LCORL: variants seen among roughly 807,000 people sequenced by gnomAD.
The protein encoded by LCORL is ligand dependent nuclear receptor corepressor like.
Under a neutral mutation model 141.8 loss-of-function variants are expected in LCORL, and 41 were observed. The ratio of observed to expected loss-of-function variants is 0.29; its 90% CI spans 0.23 to 0.38. The LOEUF is 0.38. Among genes scored for constraint, LCORL ranks in the 10% least tolerant of loss-of-function variants. The probability of loss-of-function intolerance (pLI) is 1.00; values close to 1 mark genes in which losing one functional copy is unlikely to be tolerated. For missense variants in LCORL, 1,759 were observed against 2,035.0 expected (o/e 0.86, Z 2.61); for synonymous variants, 618 against 694.1 (o/e 0.89, Z 1.72).
intron 7 of LCORL, among the ~76,000 whole-genome samples, chr4:17,855,921 T>C (rs904630038): frequency 6.6e-6 from 1 of 152,238 alleles, no homozygotes; most frequent in African/African-American, 2.4e-5. Context: ...CTCTTCTCAA[T>C]TGGATCCTCA....
intron 1 of LCORL, among the ~76,000 whole-genome samples, chr4:18,013,695 G>A (rs944852278): frequency 2.0e-5 from 3 of 152,118 alleles, no homozygotes; most frequent in East Asian, 1.9e-4. Flanking sequence ...ACAAAATTAC[G>A]TCCTATGTGC....
chr4:17,851,189 T>A lies in LCORL; in HGVS notation c.5603-5288A>T, dbSNP rs1445634144. Among the ~76,000 whole-genome samples the A allele has an allele frequency of 6.0e-5, 9 of 149,634 alleles. 2 individuals carry two copies. On this transcript the variant is annotated intron_variant, in intron 7 of 7. Transcript: ENST00000635767. Reference sequence around the variant, plus strand: ...ATATACCTAATGCTAAATGACGAGTTAATGGGTGCAGCACACCAGCATGGC... The same window carrying A: ...ATATACCTAATGCTAAATGACGAGTAAATGGGTGCAGCACACCAGCATGGC...
At chr4:17,921,648 T>C (rs1672849841) in intron 4 of LCORL, among the ~76,000 whole-genome samples, 1 of 152,124 alleles carries the variant, frequency 6.6e-6, no homozygotes, top group Non-Finnish European at 1.5e-5. Flanking sequence ...GTCTCAACAA[T>C]GGATGTGATG....
rs564754895 is a variant in LCORL at position 17,930,976 on chromosome 4, C to A, written c.431-21631G>T. Among the ~76,000 whole-genome samples, 805 of 152,240 alleles carry A rather than the reference C, an allele frequency of 5.3e-3. 11 individuals are homozygous for A. The highest frequency in any genetic ancestry group is 0.018 in the African/African-American group (765 of 41,562). On this transcript the variant is annotated intron_variant, in intron 4 of 7. Coordinates refer to ENST00000635767, the Ensembl canonical transcript of LCORL. ...TTCTGAGCTTGGTGCTTTTACTGAG[C>A]TTTCTTGATACCTTTTGCTATTTCT...
At chr4:17,915,461 T>C (rs1012323230) in intron 4 of LCORL, among the ~76,000 whole-genome samples, 3 of 152,180 alleles carry the variant, frequency 2.0e-5, no homozygotes, top group Admixed American at 2.0e-4. Flanking sequence ...GAGTCATAAA[T>C]AATATAGATT....
intron 1 of LCORL, among the ~76,000 whole-genome samples, chr4:18,000,854 T>G (rs1721835423): frequency 6.6e-6 from 1 of 152,220 alleles, no homozygotes; most frequent in South Asian, 2.1e-4. Flanking sequence ...TATGTTCATT[T>G]TGTTCACTGA....
chr4:18,011,513 C>T (rs998771843), intron 1 of LCORL, among the ~76,000 whole-genome samples: 2 of 151,620 alleles, frequency 1.3e-5, no homozygotes, highest in African/African-American at 4.8e-5. Context: ...CTACTTTCTG[C>T]TGCTAACCTA....
In LCORL at chr4:17,884,074, A is replaced by C; in HGVS notation, c.776+1994T>G. On this transcript the variant is annotated intron_variant, in intron 6 of 7. Coordinates refer to ENST00000635767, the Ensembl canonical transcript of LCORL. This position sits in a 1 kb window ranked among gnomAD's most constrained non-coding sequence, Gnocchi z 4.4. ...CATTTTTAGAATTAAGACACAAAGGAGAGAGGTCCCCATGTAGAAAGTAAG... is the reference window on the plus strand; with the variant it reads ...CATTTTTAGAATTAAGACACAAAGGCGAGAGGTCCCCATGTAGAAAGTAAG... The C allele has an allele frequency of 6.4e-7, 1 of 1,550,734 alleles. No homozygotes were observed. The highest frequency in any genetic ancestry group is 8.7e-7 in the Non-Finnish European group (1 of 1,146,340).
intron 4 of LCORL, among the ~76,000 whole-genome samples, chr4:17,955,615 GGA>G (rs931211653): frequency 6.6e-5 from 10 of 152,036 alleles, no homozygotes; most frequent in Admixed American, 2.6e-4. Context: ...GGAGGTTTGA[GGA>G]GAGAGAGAAA....
At chr4:17,958,013 A>G (rs1373002697) in intron 4 of LCORL, among the ~76,000 whole-genome samples, 1 of 152,040 alleles carries the variant, frequency 6.6e-6, no homozygotes, top group Non-Finnish European at 1.5e-5. Flanking sequence ...ATCATCAGTC[A>G]TAACCCAACT....
intron 4 of LCORL, among the ~76,000 whole-genome samples, chr4:17,930,720 A>T (rs1298864309): frequency 6.6e-6 from 1 of 152,140 alleles, no homozygotes; most frequent in Non-Finnish European, 1.5e-5. Context: ...CATACGTGAG[A>T]TTGTTCTGTA....
At chr4:17,969,121 G>T (rs1475288047) in intron 2 of LCORL, among the ~76,000 whole-genome samples, 1 of 152,194 alleles carries the variant, frequency 6.6e-6, no homozygotes, top group Non-Finnish European at 1.5e-5. Flanking sequence ...GGTAGGAAAT[G>T]AGTAGTTTTT....
chr4:17,929,111 G>A (rs371095427), intron 4 of LCORL, among the ~76,000 whole-genome samples: 21 of 152,050 alleles, frequency 1.4e-4, no homozygotes, highest in Admixed American at 2.0e-4. Flanking sequence ...GTTGTACACC[G>A]AAAACTGGAA....
exon 7 of LCORL, chr4:17,876,371 G>C (rs75609183): frequency 4.1e-6 from 5 of 1,230,768 alleles, no homozygotes; most frequent in Non-Finnish European, 5.1e-6. Context: ...CAGCATGTTG[G>C]TCTTTACCAT....
chr4:17,879,138 A>C (rs1294578499), intron 6 of LCORL, among the ~76,000 whole-genome samples: 1 of 151,030 alleles, frequency 6.6e-6, no homozygotes, highest in Non-Finnish European at 1.5e-5. Context: ...GGTTGGAATA[A>C]TGCTGATTAT....
chr4:17,859,128 T>G (rs1724695617), intron 7 of LCORL, among the ~76,000 whole-genome samples: 1 of 152,134 alleles, frequency 6.6e-6, no homozygotes, highest in African/African-American at 2.4e-5. Flanking sequence ...ATTTTGTTTT[T>G]CAATGTCAGT....
At position 18,021,339 on chromosome 4, in the gene LCORL, GC is replaced by G. The variant is rs1725536404; in HGVS notation, c.154+258del. On this transcript the variant is annotated intron_variant, in intron 1 of 7. Transcript: ENST00000635767. This position sits in a 1 kb window ranked among gnomAD's most constrained non-coding sequence, Gnocchi z 5.5. ...GAGCGAGCGGGCGGCTTCCGCGGGG[GC>G]TCAGCAAGCGGGTCCAAACTAACAG... 6.6e-6 allele frequency among the ~76,000 whole-genome samples: 1 copy of G among 152,144 alleles called. No individual in the cohort carries two copies.
At chr4:17,876,159 T>C in exon 7 of LCORL, 1 of 1,230,952 alleles carries the variant, frequency 8.1e-7, no homozygotes, top group South Asian at 4.1e-5. Context: ...ACCTTCATAT[T>C]TTGCTGGTAC....
chr4:17,924,310 T>A (rs954434808), intron 4 of LCORL, among the ~76,000 whole-genome samples: 1 of 152,174 alleles, frequency 6.6e-6, no homozygotes, highest in Non-Finnish European at 1.5e-5. Flanking sequence ...ACCCATGTCA[T>A]CGCCCAATGG....
Sources: allele counts gnomAD v4.1 joint callset (sites outside exome capture counted in the v4.1 genomes callset), GRCh38; gene constraint gnomAD v4.1.1; non-coding constraint Gnocchi (gnomAD v3.1); transcripts MANE v1.5; gene names NCBI Gene and HGNC (gene_info 2026-07-23, HGNC 2026-07-21).